PPP2R3A: variants seen among roughly 807,000 people sequenced by gnomAD.
PPP2R3A encodes the protein protein phosphatase 2 regulatory subunit B''alpha.
Under a neutral mutation model 106.9 loss-of-function variants are expected in PPP2R3A, and 80 were observed. The ratio of observed to expected loss-of-function variants is 0.75; its 90% CI spans 0.62 to 0.90. The LOEUF is 0.90. PPP2R3A is among the 40% of genes least tolerant of loss of function. PPP2R3A has a pLI of 0.00. For missense variants in PPP2R3A, 1,386 were observed against 1,350.4 expected, an observed-to-expected ratio of 1.03 and a Z score of -0.41; for synonymous variants, 483 against 468.3, an observed-to-expected ratio of 1.03 and a Z score of -0.41.
chr3:135,989,210 G>A (rs896788303), intron 1 of PPP2R3A, among the ~76,000 whole-genome samples: 1 of 152,078 alleles, frequency 6.6e-6, no homozygotes, highest in African/African-American at 2.4e-5. Context: ...TAACCCACAA[G>A]GCCCACCCAA....
chr3:136,017,528 G>T (rs113664504), intron 2 of PPP2R3A, among the ~76,000 whole-genome samples: 1 of 152,182 alleles, frequency 6.6e-6, no homozygotes, highest in Non-Finnish European at 1.5e-5. Context: ...GAACATTTGT[G>T]TATAAGTTTT....
chr3:136,017,360 G>A (rs1487530084), intron 2 of PPP2R3A, among the ~76,000 whole-genome samples: 1 of 152,190 alleles, frequency 6.6e-6, no homozygotes, highest in Non-Finnish European at 1.5e-5. Flanking sequence ...CAACGCCAGG[G>A]AAGTTTTCCT....
chr3:135,989,036 AT>A (rs910769629), intron 1 of PPP2R3A, among the ~76,000 whole-genome samples: 9 of 151,112 alleles, frequency 6.0e-5, no homozygotes, highest in African/African-American at 1.5e-4. Flanking sequence ...GGTGAATGCT[AT>A]TTTTTTTTAA....
intron 2 of PPP2R3A, among the ~76,000 whole-genome samples, chr3:136,008,411 G>T (rs984117252): frequency 5.9e-5 from 9 of 152,156 alleles, no homozygotes; most frequent in African/African-American, 1.7e-4. Context: ...TCTGCCTGGT[G>T]GCAAATAGGA....
At chr3:136,066,132 A>G (rs1936257286) in intron 5 of PPP2R3A, among the ~76,000 whole-genome samples, 1 of 152,224 alleles carries the variant, frequency 6.6e-6, no homozygotes, top group Non-Finnish European at 1.5e-5. Context: ...TATAGAATAA[A>G]TACAGATATT....
At chr3:136,033,363 C>T (rs1215664830) in intron 3 of PPP2R3A, among the ~76,000 whole-genome samples, 2 of 152,064 alleles carry the variant, frequency 1.3e-5, no homozygotes, top group African/African-American at 2.4e-5. Context: ...TTATGTCCTC[C>T]TTTCCTGGTT....
intron 7 of PPP2R3A, chr3:136,079,326 T>G (rs1232986790): frequency 1.8e-5 from 5 of 274,274 alleles, no homozygotes; most frequent in Non-Finnish European, 3.0e-5. Context: ...CCATAATACC[T>G]CAAGAGTAAT....
intron 3 of PPP2R3A, among the ~76,000 whole-genome samples, chr3:136,030,248 T>C (rs983498502): frequency 6.6e-6 from 1 of 151,496 alleles, no homozygotes; most frequent in Non-Finnish European, 1.5e-5. Context: ...GGGATGTGTA[T>C]ATAATTACCT....
At chr3:136,034,985 T>A (rs934002369) in intron 3 of PPP2R3A, among the ~76,000 whole-genome samples, 3 of 152,210 alleles carry the variant, frequency 2.0e-5, no homozygotes, top group Non-Finnish European at 4.4e-5. Flanking sequence ...GTCCCTCTTT[T>A]TCTTTTTTAA....
At chr3:136,143,780 G>C (rs916976278) in intron 13 of PPP2R3A, among the ~76,000 whole-genome samples, 2 of 152,164 alleles carry the variant, frequency 1.3e-5, no homozygotes, top group Admixed American at 1.3e-4. Context: ...GACACAGCGA[G>C]ACTCCATCTC....
At chr3:136,131,854 C>T (rs909633059) in intron 13 of PPP2R3A, among the ~76,000 whole-genome samples, 1 of 152,176 alleles carries the variant, frequency 6.6e-6, no homozygotes, top group Non-Finnish European at 1.5e-5. Context: ...GAGTTCATGT[C>T]CTTTGCAGGG....
At chr3:136,064,471 A>G (rs1156780360) in intron 5 of PPP2R3A, among the ~76,000 whole-genome samples, 1 of 152,086 alleles carries the variant, frequency 6.6e-6, no homozygotes, top group African/African-American at 2.4e-5. Flanking sequence ...GTGTTTTTCA[A>G]ATGTGTTTCA....
At position 136,002,944 on chromosome 3, in the gene PPP2R3A, G is replaced by T; in HGVS notation, c.1446G>T (p.Lys482Asn). The change falls in exon 2 of 14, where the codon AAG becomes AAT. Residue 482 changes from lysine to asparagine, a missense_variant. Transcript: ENST00000264977. ...IFEKSFVNLPKEDCKSKVSKF... is the reference protein window; with the variant it reads ...IFEKSFVNLPNEDCKSKVSKF... ...AGAAATCATTTGTTAATCTACCTAA[G>T]GAAGACTGTAAATCAAAAGTTTCTA... 6.2e-7 allele frequency: 1 copy of T among 1,612,664 alleles called. No homozygotes were observed.
chr3:135,989,835 A>G (rs1049986093), intron 1 of PPP2R3A, among the ~76,000 whole-genome samples: 1 of 152,170 alleles, frequency 6.6e-6, no homozygotes, highest in Non-Finnish European at 1.5e-5. Context: ...TATTAAGTGG[A>G]AAAAAACAGG....
At chr3:136,067,619 C>T (rs1936299391) in intron 5 of PPP2R3A, among the ~76,000 whole-genome samples, 1 of 152,112 alleles carries the variant, frequency 6.6e-6, no homozygotes, top group Non-Finnish European at 1.5e-5. Flanking sequence ...TTCAGAAGTT[C>T]CTCCATGAGT....
Position 136,146,443 on chromosome 3 carries a change from C to T in PPP2R3A, c.*1277C>T, listed in dbSNP as rs1023327477. ...CTTCCCTTTCCACCCTACCTAGGTT[C>T]CCTCCTTGCTGGCATAAAGGCCAAG... is the stretch of plus-strand genomic sequence containing the variant. On this transcript the variant is annotated 3_prime_UTR_variant, in exon 14 of 14. Coordinates refer to ENST00000264977, the MANE Select transcript of PPP2R3A (RefSeq NM_002718.5). 3 of 152,122 alleles carry T rather than the reference C, an allele frequency of 2.0e-5. No individual in the cohort carries two copies. Among genetic ancestry groups the T allele is most frequent in the African/African-American group, 7.2e-5 (3 of 41,432 alleles). 9.4% of individuals were successfully genotyped at this position (152,122 alleles called of 1,614,324 possible).
Position 136,002,764 on chromosome 3 carries a change from T to C in PPP2R3A, c.1266T>C (p.Asp422=). ...METLYIEEES[D]GKKALDKGQK... is the part of the protein sequence containing the mutation. ...CTCTTTATATTGAAGAAGAGTCAGATGGAAAGAAAGCATTAGATAAAGGAC... is the reference window on the plus strand; with the variant it reads ...CTCTTTATATTGAAGAAGAGTCAGACGGAAAGAAAGCATTAGATAAAGGAC... Residue 422 remains aspartate, a synonymous_variant, in exon 2 of 14, where the codon GAT becomes GAC. Coordinates refer to ENST00000264977, the MANE Select transcript of PPP2R3A (RefSeq NM_002718.5). 1 of 1,612,898 alleles carries C rather than the reference T, an allele frequency of 6.2e-7. No homozygotes were observed. The highest frequency in any genetic ancestry group is 8.5e-7 in the Non-Finnish European group (1 of 1,179,500).
At chr3:135,967,285 G>A (rs1937116475) in intron 1 of PPP2R3A, among the ~76,000 whole-genome samples, 1 of 152,108 alleles carries the variant, frequency 6.6e-6, no homozygotes, top group South Asian at 2.1e-4. Flanking sequence ...CAAAGCTTTG[G>A]GAAAGTGTTA....
At chr3:136,026,702 C>A in intron 2 of PPP2R3A, 130 bp from the exon 3 acceptor site, 2 of 766,216 alleles carry the variant, frequency 2.6e-6, no homozygotes, top group Non-Finnish European at 4.1e-6. Flanking sequence ...ATGCTTACCA[C>A]CTTTAAGAGT....
Sources: allele counts gnomAD v4.1 joint callset (sites outside exome capture counted in the v4.1 genomes callset), GRCh38; gene constraint gnomAD v4.1.1; transcripts MANE v1.5; gene names NCBI Gene and HGNC (gene_info 2026-07-23, HGNC 2026-07-21).